Variants in SLC13A3 observed in about 807,000 individuals in gnomAD.
The protein encoded by SLC13A3 is Na(+)/dicarboxylate cotransporter 3.
A neutral mutation model predicts 59.0 loss-of-function variants in SLC13A3; 40 were observed. The observed-to-expected ratio is 0.68, with a 90% CI of 0.53 to 0.88. SLC13A3 has a LOEUF of 0.88. Among genes scored for constraint, SLC13A3 ranks in the 40% least tolerant of loss-of-function variants. SLC13A3 has a pLI of 0.00. For synonymous variants in SLC13A3, 317 were observed against 330.3 expected (o/e 0.96, Z 0.44); for missense variants, 699 against 783.2 (o/e 0.89, Z 1.28).
At chr20:46,624,106 G>A (rs1423683117) in intron 1 of SLC13A3, among the ~76,000 whole-genome samples, 1 of 152,016 alleles carries the variant, frequency 6.6e-6, no homozygotes, top group African/African-American at 2.4e-5. Flanking sequence ...CCCCATCTCT[G>A]CCTCACTGTC....
chr20:46,649,855 C>T (rs1174177475), intron 1 of SLC13A3, among the ~76,000 whole-genome samples: 1 of 152,146 alleles, frequency 6.6e-6, no homozygotes, highest in Non-Finnish European at 1.5e-5. Context: ...AATGAACTTG[C>T]TGTGTGTTAG....
chr20:46,570,495 G>A (rs2062020603), intron 10 of SLC13A3, among the ~76,000 whole-genome samples: 1 of 152,130 alleles, frequency 6.6e-6, no homozygotes, highest in African/African-American at 2.4e-5. Context: ...ATGCGCTCAG[G>A]ACACTGACAT....
chr20:46,628,877 C>G (rs575084649), intron 1 of SLC13A3, among the ~76,000 whole-genome samples: 1 of 152,372 alleles, frequency 6.6e-6, no homozygotes, highest in South Asian at 2.1e-4. Context: ...CTAGAGAACT[C>G]AGGCCCAAGG....
Position 46,573,269 on chromosome 20 carries a change from C to T in SLC13A3, c.1332+2304G>A, listed in dbSNP as rs376767611. ...GCTAAGGGAGTGCAGTCGGCTGTCT[C>T]AGACCCCAAAAGCGGCCTCACTTGA... On this transcript the variant is annotated intron_variant, in intron 10 of 12. Coordinates refer to ENST00000279027, the MANE Select transcript of SLC13A3 (RefSeq NM_022829.6). 9.2e-5 allele frequency among the ~76,000 whole-genome samples: 14 copies of T among 152,338 alleles called. No individual in the cohort carries two copies. The East Asian group carries it at 1.2e-3, about 13-fold the overall frequency.
chr20:46,656,959 C>T (rs78301649), intron 1 of SLC13A3, among the ~76,000 whole-genome samples: 3,837 of 152,068 alleles, frequency 0.025, 151 homozygotes, highest in African/African-American at 0.086. Flanking sequence ...CTTCTTTGTA[C>T]CTTCTATTAC....
chr20:46,669,639 A>G (rs889742571), intron 1 of SLC13A3, among the ~76,000 whole-genome samples: 11 of 152,212 alleles, frequency 7.2e-5, no homozygotes, highest in Admixed American at 6.5e-4. Flanking sequence ...GGGTCTGACC[A>G]CTGGCACCCA....
chr20:46,649,412 G>A (rs557845278), intron 1 of SLC13A3, among the ~76,000 whole-genome samples: 168 of 152,196 alleles, frequency 1.1e-3, no homozygotes, highest in African/African-American at 3.9e-3. Flanking sequence ...AATGCTCCCC[G>A]CCCCTTAACC....
rs532461173 is a variant in SLC13A3 at position 46,595,709 on chromosome 20, C to T, written c.794+448G>A. 2.6e-5 allele frequency among the ~76,000 whole-genome samples: 4 copies of T among 152,294 alleles called. No individual in the cohort carries two copies. The South Asian group carries it at 6.2e-4, about 24-fold the overall frequency. On this transcript the variant is annotated intron_variant, in intron 5 of 12. Transcript: ENST00000279027. ...CTGGTTTTCTTGCTGGTCCCTGAACCTCCCCAGGAACAGCTCCACCTCCAA... is the reference window on the plus strand; with the variant it reads ...CTGGTTTTCTTGCTGGTCCCTGAACTTCCCCAGGAACAGCTCCACCTCCAA...
At chr20:46,608,797 T>C in intron 3 of SLC13A3, 1 of 1,427,440 alleles carries the variant, frequency 7.0e-7, no homozygotes, top group Non-Finnish European at 9.3e-7. Context: ...TGGATAATGC[T>C]TGTTGTGTTC....
At chr20:46,612,321 C>T (rs569787044) in intron 2 of SLC13A3, among the ~76,000 whole-genome samples, 1 of 151,950 alleles carries the variant, frequency 6.6e-6, no homozygotes, top group East Asian at 1.9e-4. Context: ...TTGGTAGAGA[C>T]AGGGGTTTTA....
At chr20:46,677,273 A>G (rs535435121) in intron 1 of SLC13A3, among the ~76,000 whole-genome samples, 1 of 152,338 alleles carries the variant, frequency 6.6e-6, no homozygotes, top group East Asian at 1.9e-4. Context: ...ACATGCCTGC[A>G]GTTTCATGAA....
At chr20:46,577,921 A>C (rs1368647106) in intron 9 of SLC13A3, among the ~76,000 whole-genome samples, 1 of 152,232 alleles carries the variant, frequency 6.6e-6, no homozygotes, top group Non-Finnish European at 1.5e-5. Context: ...TGGAAAGAAG[A>C]AATGGTCCCA....
intron 1 of SLC13A3, among the ~76,000 whole-genome samples, chr20:46,617,614 G>GCA (rs58801305): frequency 8.8e-5 from 4 of 45,506 alleles, no homozygotes; most frequent in South Asian, 1.5e-3. Flanking sequence ...GTGTGCGTGT[G>GCA]TGTGTGTGTG....
rs147498903 is a variant in SLC13A3 at position 46,611,403 on chromosome 20, T to A, written c.378-794A>T. On this transcript the variant is annotated intron_variant, in intron 2 of 12. Coordinates refer to ENST00000279027, the MANE Select transcript of SLC13A3 (RefSeq NM_022829.6). ...TTTCCCCCTATCTCCCTACCTCTCA[T>A]GTGGGCTCTCACACCATGATGTGCC... Among the ~76,000 whole-genome samples, 22 of 152,262 alleles carry A rather than the reference T, an allele frequency of 1.4e-4. No individual in the cohort carries two copies. The East Asian group carries it at 2.9e-3, about 20-fold the overall frequency.
At chr20:46,655,305 A>T (rs1224887979), upstream of SLC13A3, among the ~76,000 whole-genome samples, 6 of 150,180 alleles carry the variant, frequency 4.0e-5, no homozygotes, top group Admixed American at 2.0e-4. Flanking sequence ...ACATATATAC[A>T]CACACATATA....
intron 1 of SLC13A3, among the ~76,000 whole-genome samples, chr20:46,636,875 A>G (rs2062800934): frequency 6.6e-6 from 1 of 150,564 alleles, no homozygotes; most frequent in African/African-American, 2.4e-5. Context: ...ATCTCAGCTC[A>G]CTGCAGCCTC....
chr20:46,676,392 G>A (rs1249460671), intron 1 of SLC13A3, among the ~76,000 whole-genome samples: 2 of 146,916 alleles, frequency 1.4e-5, no homozygotes, highest in African/African-American at 5.1e-5. Context: ...CTTCACCAAG[G>A]GCAGCCACTC....
In SLC13A3 at chr20:46,596,317, C is replaced by A. The variant is rs746122721; in HGVS notation, c.634G>T (p.Val212Phe). ...EAKDHPGETE[V>F]PLDLPADSRK... ...GAGTCAGCCGGCAGATCCAGTGGAA[C>A]CTCTGTCTCCCCAGGGTGGTCTTTG... Residue 212 changes from valine (V) to phenylalanine (F), a missense_variant, in exon 5 of 13, where the codon GTT (valine) becomes TTT (phenylalanine). Transcript: ENST00000279027. 3.8e-5 allele frequency: 62 copies of A among 1,614,032 alleles called. No homozygotes were observed. Among genetic ancestry groups the A allele is most frequent in the Admixed American group, 1.5e-4 (9 of 60,006 alleles).
chr20:46,683,375 C>T (rs1321668926), intron 1 of SLC13A3, among the ~76,000 whole-genome samples: 2 of 152,168 alleles, frequency 1.3e-5, no homozygotes, highest in Non-Finnish European at 2.9e-5. Flanking sequence ...ATGTCTAACA[C>T]GAGGCTCCAT....
Sources: gnomAD v4.1 joint callset for allele counts (sites outside exome capture counted in the v4.1 genomes callset) on GRCh38, gnomAD v4.1.1 for gene constraint, MANE v1.5 for transcripts, NCBI Gene and HGNC (gene_info 2026-07-23, HGNC 2026-07-21) for gene names.